MYZAP: variants seen among roughly 807,000 people sequenced by gnomAD.
MYZAP encodes myocardial zonula adherens protein, also known as GRINL1A complex locus upstream.
MYZAP carries 66 observed loss-of-function variants against 69.4 expected under a neutral mutation model. That is an observed-to-expected ratio of 0.95 (90% CI 0.78 to 1.17). The LOEUF (loss-of-function observed/expected upper bound fraction) is 1.17, where lower values mean the gene tolerates loss of function less well. Ranked by LOEUF, MYZAP falls within the 50% of genes most tolerant of loss-of-function variation. The probability of loss-of-function intolerance (pLI) is 0.00; values close to 1 mark genes in which losing one functional copy is unlikely to be tolerated. For synonymous variants in MYZAP, 256 were observed against 205.9 expected, an observed-to-expected ratio of 1.24 and a Z score of -2.09; for missense variants, 611 against 556.2, an observed-to-expected ratio of 1.10 and a Z score of -0.99.
chr15:57,612,265 C>A (rs1010362069), intron 2 of MYZAP, among the ~76,000 whole-genome samples: 3 of 152,086 alleles, frequency 2.0e-5, no homozygotes, highest in Non-Finnish European at 4.4e-5. Flanking sequence ...ACATTATGGC[C>A]CTTCTCAACC....
intron 1 of MYZAP, among the ~76,000 whole-genome samples, chr15:57,598,092 TTTTA>T (rs1269736494): frequency 6.6e-6 from 1 of 152,130 alleles, no homozygotes; most frequent in African/African-American, 2.4e-5. Flanking sequence ...TCCACTCCCT[TTTTA>T]TTTGAGATAG....
At chr15:57,615,477 G>A (rs1479783920) in intron 2 of MYZAP, among the ~76,000 whole-genome samples, 1 of 152,192 alleles carries the variant, frequency 6.6e-6, no homozygotes, top group Non-Finnish European at 1.5e-5. Flanking sequence ...GCCAGGGGCA[G>A]GATCCTCTGT....
chr15:57,639,032 C>T (rs1190757164), intron 9 of MYZAP, among the ~76,000 whole-genome samples: 3 of 152,146 alleles, frequency 2.0e-5, no homozygotes, highest in Non-Finnish European at 1.5e-5. Flanking sequence ...TCCTGTGCTC[C>T]TCTGTTGTGG....
At chr15:57,676,924 G>T (rs147657473) in intron 12 of MYZAP, among the ~76,000 whole-genome samples, 1 of 152,086 alleles carries the variant, frequency 6.6e-6, no homozygotes, top group African/African-American at 2.4e-5. Context: ...GTTTCCCCCC[G>T]GATCCATCTT....
intron 10 of MYZAP, among the ~76,000 whole-genome samples, chr15:57,644,307 G>A (rs1293852604): frequency 1.3e-5 from 2 of 152,162 alleles, no homozygotes; most frequent in Non-Finnish European, 2.9e-5. Flanking sequence ...GCAAGCCAGG[G>A]AGACAGTCAC....
At chr15:57,611,648 A>T (rs1328115461) in intron 2 of MYZAP, among the ~76,000 whole-genome samples, 2 of 151,902 alleles carry the variant, frequency 1.3e-5, no homozygotes, top group Non-Finnish European at 2.9e-5. Context: ...TTCTCATCTT[A>T]AGCTTTGAAA....
chr15:57,634,033 T>C (rs1031928209), intron 8 of MYZAP, among the ~76,000 whole-genome samples: 1 of 152,206 alleles, frequency 6.6e-6, no homozygotes, highest in African/African-American at 2.4e-5. Flanking sequence ...AGTTTATCCA[T>C]TGAATTATCA....
chr15:57,608,665 A>C (rs2034913709), intron 2 of MYZAP, among the ~76,000 whole-genome samples: 1 of 152,226 alleles, frequency 6.6e-6, no homozygotes, highest in Admixed American at 6.5e-5. Context: ...TGCCCACCAC[A>C]GTGTCCGGTT....
intron 2 of MYZAP, among the ~76,000 whole-genome samples, chr15:57,614,485 A>G (rs1304153439): frequency 6.6e-5 from 10 of 152,232 alleles, no homozygotes; most frequent in Non-Finnish European, 1.3e-4. Flanking sequence ...GGCGTTCTTG[A>G]TTCTTGAGGA....
intron 10 of MYZAP, 79 bp downstream of exon 10, chr15:57,639,624 C>T (rs2140465627): frequency 6.7e-7 from 1 of 1,497,126 alleles, no homozygotes; most frequent in Non-Finnish European, 9.1e-7. Context: ...TCTGCCTTGC[C>T]CCTCCATTTC....
chr15:57,593,212 A>ACT (rs1555454583), intron 1 of MYZAP, among the ~76,000 whole-genome samples: 1 of 124,908 alleles, frequency 8.0e-6, no homozygotes, highest in African/African-American at 3.4e-5. Flanking sequence ...ACACACACAC[A>ACT]CACCCCAGAA....
At chr15:57,664,248 T>C (rs1248984079) in intron 11 of MYZAP, among the ~76,000 whole-genome samples, 1 of 152,198 alleles carries the variant, frequency 6.6e-6, no homozygotes, top group Non-Finnish European at 1.5e-5. Flanking sequence ...AGGTTCTTGG[T>C]TGGGTCACAG....
At chr15:57,650,934 G>T (rs1344624212) in intron 10 of MYZAP, among the ~76,000 whole-genome samples, 1 of 152,218 alleles carries the variant, frequency 6.6e-6, no homozygotes, top group African/African-American at 2.4e-5. Context: ...TAGAAATATA[G>T]GTTGACACCA....
At chr15:57,672,812 T>C (rs1278090480) in intron 11 of MYZAP, among the ~76,000 whole-genome samples, 6 of 152,190 alleles carry the variant, frequency 3.9e-5, no homozygotes. Context: ...CTTACTCTCT[T>C]TCCCTTGCCT....
intron 10 of MYZAP, among the ~76,000 whole-genome samples, chr15:57,652,981 T>A (rs887546131): frequency 1.3e-5 from 2 of 152,200 alleles, no homozygotes; most frequent in Admixed American, 6.5e-5. Flanking sequence ...ATGCTTTGAT[T>A]GGCAGTTATA....
chr15:57,667,110 G>A (rs538718969), intron 11 of MYZAP, among the ~76,000 whole-genome samples: 76 of 152,252 alleles, frequency 5.0e-4, no homozygotes, highest in African/African-American at 1.8e-3. Flanking sequence ...TGTCCATCCT[G>A]CATTTAATGT....
intron 8 of MYZAP, among the ~76,000 whole-genome samples, chr15:57,634,495 T>C (rs1373485538): frequency 6.6e-6 from 1 of 152,156 alleles, no homozygotes; most frequent in Non-Finnish European, 1.5e-5. Flanking sequence ...TAGCACCCTG[T>C]GACTCATTCG....
chr15:57,617,920 G>A (rs2035574592), intron 2 of MYZAP, 113 bp from the exon 3 acceptor site: 1 of 1,376,722 alleles, frequency 7.3e-7, no homozygotes, highest in Middle Eastern at 2.4e-4. Flanking sequence ...CCACTGCCAG[G>A]CAATGAGTGC....
At position 57,660,293 on chromosome 15, in the gene MYZAP, T is replaced by C. The variant is rs1039700361; in HGVS notation, c.1120-1157T>C. 8.5e-5 allele frequency among the ~76,000 whole-genome samples: 13 copies of C among 152,180 alleles called. No homozygotes were observed. In the South Asian group the frequency reaches 1.4e-3, roughly 17 times the overall value. On this transcript the variant is annotated intron_variant, in intron 10 of 12. Coordinates refer to ENST00000267853, the MANE Select transcript of MYZAP (RefSeq NM_001018100.5). ...TATATTCGCTTCCATAGGAATAGTG[T>C]CATTTTGCATGAGAAGGATTTTAAA...
Sources: allele counts gnomAD v4.1 joint callset (sites outside exome capture counted in the v4.1 genomes callset), GRCh38; gene constraint gnomAD v4.1.1; transcripts MANE v1.5; gene names NCBI Gene and HGNC (gene_info 2026-07-23, HGNC 2026-07-21).